Variants in TBXAS1 observed in about 807,000 individuals in gnomAD.
TBXAS1 encodes thromboxane A synthase 1.
In TBXAS1, 48 loss-of-function variants were observed where a neutral mutation model predicts 60.7. That is an observed-to-expected ratio of 0.79 (90% CI 0.63 to 1.01). The LOEUF (loss-of-function observed/expected upper bound fraction) is 1.01, where lower values mean the gene tolerates loss of function less well. TBXAS1 is among the 50% of genes least tolerant of loss of function. The pLI, the probability that TBXAS1 is intolerant of heterozygous loss-of-function variation, is 0.00. For missense variants in TBXAS1, 685 were observed against 686.3 expected (o/e 1.00, Z 0.02); for synonymous variants, 287 against 269.7 (o/e 1.06, Z -0.63).
intron 8 of TBXAS1, among the ~76,000 whole-genome samples, chr7:139,959,903 G>A (rs1324523071): frequency 2.6e-5 from 4 of 152,148 alleles, no homozygotes; most frequent in Non-Finnish European, 5.9e-5. Context: ...GTGCCATCTT[G>A]CCTGACCCTG....
chr7:139,861,419 ATTT>A (rs58163146), intron 1 of TBXAS1, among the ~76,000 whole-genome samples: 13 of 130,726 alleles, frequency 9.9e-5, no homozygotes, highest in Admixed American at 1.5e-4. Flanking sequence ...TCTTTTTAGA[ATTT>A]TTTTTTTTTT....
chr7:139,795,591 A>G (rs1797543407), intron 4 of TBXAS1, among the ~76,000 whole-genome samples: 1 of 142,986 alleles, frequency 7.0e-6, no homozygotes, highest in South Asian at 2.4e-4. Context: ...GTCCTTGCCC[A>G]TGCCTATGTC....
At chr7:139,846,921 T>C (rs143099700) in intron 1 of TBXAS1, among the ~76,000 whole-genome samples, 15 of 152,280 alleles carry the variant, frequency 9.9e-5, no homozygotes, top group Non-Finnish European at 2.1e-4. Flanking sequence ...TGTGGGCTTT[T>C]CTTTGAAGAA....
chr7:140,019,263 G>A (rs1338042044), intron 12 of TBXAS1, among the ~76,000 whole-genome samples: 2 of 152,236 alleles, frequency 1.3e-5, no homozygotes, highest in African/African-American at 2.4e-5. Flanking sequence ...GGGAGGGGCA[G>A]ATCGGCAGAG....
In TBXAS1 at chr7:139,955,565, T is replaced by A. The variant is rs1809795747; in HGVS notation, c.646T>A (p.Phe216Ile). ...TCCCTTTGTGAAACACTGCAAGCGT[T>A]TCTTCGAATTCTGCATCCCCAGACC... ...EDPFVKHCKR[F>I]FEFCIPRPIL... Residue 216 changes from phenylalanine to isoleucine, a missense_variant, in exon 7 of 13, where the codon TTC becomes ATC. Transcript: ENST00000448866. The A allele has an allele frequency of 1.2e-6, 2 of 1,614,082 alleles. No homozygotes were observed. Among genetic ancestry groups the A allele is most frequent in the Admixed American group, 3.3e-5 (2 of 60,012 alleles).
rs190538465 is a variant in TBXAS1, at chr7:139,799,494, T to C, written c.-80+12068T>C. On this transcript the variant is annotated intron_variant, in intron 4 of 16. Coordinates refer to the TBXAS1 transcript ENST00000336425. The stretch of plus-strand genomic sequence containing the variant: ...AATCTGCCTGCCTCGGCCTCCCAAG[T>C]GCTAGGACTACACCATGCCTGGCCT... Among the ~76,000 whole-genome samples, 726 of 152,208 alleles carry C rather than the reference T, an allele frequency of 4.8e-3. 3 individuals are homozygous for C. Among genetic ancestry groups the C allele is most frequent in the Non-Finnish European group, 7.6e-3 (515 of 68,006 alleles).
chr7:139,805,933 CTT>C (rs35769530), intron 4 of TBXAS1, among the ~76,000 whole-genome samples: 184 of 104,750 alleles, frequency 1.8e-3, no homozygotes, highest in African/African-American at 7.6e-3. Context: ...CAAATTTTTG[CTT>C]TTTTTTTTTT....
At chr7:139,807,700 T>C (rs540862611) in intron 4 of TBXAS1, among the ~76,000 whole-genome samples, 62 of 152,246 alleles carry the variant, frequency 4.1e-4, no homozygotes, top group African/African-American at 1.4e-3. Flanking sequence ...TTCTTTTTTT[T>C]AAAGACAGGG....
chr7:139,882,935 T>A (rs578150217), intron 3 of TBXAS1, among the ~76,000 whole-genome samples: 2 of 152,346 alleles, frequency 1.3e-5, no homozygotes, highest in Non-Finnish European at 2.9e-5. Context: ...TCATGAACAC[T>A]AAGCCTGTAA....
intron 3 of TBXAS1, among the ~76,000 whole-genome samples, chr7:139,903,790 G>C (rs778310383): frequency 1.3e-5 from 2 of 151,842 alleles, no homozygotes; most frequent in African/African-American, 2.4e-5. Context: ...CCCACTTTTT[G>C]ATGGGATTGT....
At chr7:139,794,024 G>C (rs917836675) in intron 4 of TBXAS1, among the ~76,000 whole-genome samples, 1 of 151,966 alleles carries the variant, frequency 6.6e-6, no homozygotes, top group Non-Finnish European at 1.5e-5. Context: ...GCATCTTAAT[G>C]CTTGTATGGG....
intron 3 of TBXAS1, among the ~76,000 whole-genome samples, chr7:139,898,090 G>A (rs146673729): frequency 4.7e-4 from 72 of 152,294 alleles, no homozygotes; most frequent in African/African-American, 1.7e-3. Context: ...CAAATGCCCA[G>A]GTACTCCCAG....
intron 3 of TBXAS1, among the ~76,000 whole-genome samples, chr7:139,891,923 G>T (rs1164416916): frequency 6.6e-6 from 1 of 152,208 alleles, no homozygotes; most frequent in African/African-American, 2.4e-5. Flanking sequence ...TGGATAAGGG[G>T]AGTTTATACT....
At chr7:139,804,623 A>T (rs748514935) in intron 4 of TBXAS1, among the ~76,000 whole-genome samples, 86 of 152,118 alleles carry the variant, frequency 5.7e-4, no homozygotes, top group Non-Finnish European at 1.1e-3. Context: ...GTGTCATGGG[A>T]GGGACACAGT....
At chr7:139,945,931 G>A (rs1011406199) in intron 5 of TBXAS1, among the ~76,000 whole-genome samples, 2 of 152,198 alleles carry the variant, frequency 1.3e-5, no homozygotes, top group Non-Finnish European at 2.9e-5. Context: ...GTTATTAGCA[G>A]GATTCAATTC....
intron 1 of TBXAS1, among the ~76,000 whole-genome samples, chr7:139,865,278 T>C (rs1423938451): frequency 2.0e-5 from 3 of 152,154 alleles, no homozygotes; most frequent in African/African-American, 7.2e-5. Flanking sequence ...TGAGGCGTGA[T>C]TTAAGCAGTT....
chr7:139,828,201 GTT>G (rs1798500019), upstream of TBXAS1, among the ~76,000 whole-genome samples: 1 of 152,012 alleles, frequency 6.6e-6, no homozygotes, highest in Admixed American at 6.5e-5. Context: ...CTTTGTCTTT[GTT>G]GAATTGGGTT....
intron 3 of TBXAS1, among the ~76,000 whole-genome samples, chr7:139,899,501 G>C (rs751345725): frequency 1.8e-4 from 27 of 152,184 alleles, no homozygotes; most frequent in Non-Finnish European, 3.5e-4. Context: ...AATTAAACAA[G>C]TCAAACAAGT....
chr7:139,823,562 C>T (rs10235490), intron 4 of TBXAS1, among the ~76,000 whole-genome samples: 9,335 of 152,132 alleles, frequency 0.061, 956 homozygotes, highest in African/African-American at 0.21. Flanking sequence ...TCATACCACC[C>T]GTCCTCTTTC....
Sources: allele counts gnomAD v4.1 joint callset (sites outside exome capture counted in the v4.1 genomes callset), GRCh38; gene constraint gnomAD v4.1.1; transcripts MANE v1.5; gene names NCBI Gene and HGNC (gene_info 2026-07-23, HGNC 2026-07-21).